Variants in ANKDD1A observed in about 807,000 individuals in gnomAD.
The protein encoded by ANKDD1A is ankyrin repeat and death domain containing 1A.
ANKDD1A carries 59 observed loss-of-function variants against 63.5 expected under a neutral mutation model. The observed-to-expected ratio is 0.93, with a 90% CI of 0.75 to 1.15. The LOEUF (loss-of-function observed/expected upper bound fraction) is 1.15. ANKDD1A is among the 50% of genes most tolerant of loss of function. The probability of loss-of-function intolerance (pLI) is 0.00; values close to 1 mark genes in which losing one functional copy is unlikely to be tolerated. For synonymous variants in ANKDD1A, 266 were observed against 263.9 expected (o/e 1.01, Z -0.08); for missense variants, 632 against 656.4 (o/e 0.96, Z 0.41).
At chr15:64,956,642 G>A (rs1024402676) in intron 14 of ANKDD1A, among the ~76,000 whole-genome samples, 6 of 152,192 alleles carry the variant, frequency 3.9e-5, no homozygotes, top group Non-Finnish European at 8.8e-5. Flanking sequence ...TGCAACCTCC[G>A]TCTCTTGGGT....
chr15:64,920,076 A>G (rs1329717569), intron 3 of ANKDD1A: 1 of 152,212 alleles, frequency 6.6e-6, no homozygotes, highest in East Asian at 1.9e-4. Context: ...GCCAACCGCT[A>G]AGACCCCTTT....
chr15:64,953,923 TTTC>T (rs1236205341), intron 14 of ANKDD1A, among the ~76,000 whole-genome samples: 1 of 9,232 alleles, frequency 1.1e-4, no homozygotes, highest in African/African-American at 1.7e-4. Flanking sequence ...TTCTTCTCTT[TTTC>T]TTTTTTCTTT....
chr15:64,948,244 T>C (rs150607998), intron 13 of ANKDD1A, among the ~76,000 whole-genome samples: 2,093 of 152,274 alleles, frequency 0.014, 50 homozygotes, highest in African/African-American at 0.047. Context: ...ATGACACATA[T>C]GAATAAAACA....
chr15:64,919,272 G>A (rs547223854), intron 3 of ANKDD1A, among the ~76,000 whole-genome samples: 42 of 152,164 alleles, frequency 2.8e-4, no homozygotes, highest in African/African-American at 8.4e-4. Flanking sequence ...ACTCCCAAGC[G>A]TCTGTGGACT....
intron 14 of ANKDD1A, among the ~76,000 whole-genome samples, chr15:64,954,353 CTCT>C (rs1218429421): frequency 0.023 from 3,390 of 145,178 alleles, 161 homozygotes; most frequent in African/African-American, 0.083. Flanking sequence ...TCTCCTTCTT[CTCT>C]TCTTCTCCTT....
chr15:64,951,299 C>CTTCTTTTATTCTCTTCTTCTTCTT, intron 14 of ANKDD1A: 2 of 865,340 alleles, frequency 2.3e-6, no homozygotes, highest in Non-Finnish European at 1.4e-6. Flanking sequence ...TCTTCTTCTT[C>CTTCTTTTATTCTCTTCTTCTTCTT]TTCTTCTCTT....
intron 14 of ANKDD1A, among the ~76,000 whole-genome samples, chr15:64,953,001 G>GTTTTC (rs1473810973): frequency 1.4e-5 from 2 of 140,930 alleles, no homozygotes; most frequent in African/African-American, 2.6e-5. Context: ...CTCCTTCTTA[G>GTTTTC]TTCTTTCTTC....
chr15:64,957,254 G>C lies in ANKDD1A; in HGVS notation c.*66G>C. ...TGTATTTTTAGTAGAGATGGGGTTT[G>C]GCCATGATGGCCAGGCTGGAAAATT... On this transcript the variant is annotated 3_prime_UTR_variant, in exon 15 of 15. Coordinates refer to ENST00000319580, the MANE Select transcript of ANKDD1A (RefSeq NM_182703.6). The C allele has an allele frequency of 3.3e-6, 1 of 301,618 alleles. No individual in the cohort carries two copies. Among genetic ancestry groups the C allele is most frequent in the Non-Finnish European group, 6.5e-6 (1 of 153,736 alleles). 18.7% of individuals were successfully genotyped at this position (301,618 alleles called of 1,614,324 possible).
At chr15:64,937,719 CT>C (rs1407431488) in intron 9 of ANKDD1A, among the ~76,000 whole-genome samples, 2 of 151,882 alleles carry the variant, frequency 1.3e-5, no homozygotes, top group African/African-American at 4.8e-5. Context: ...CAGTGAGACT[CT>C]GTCTCAAAAA....
rs1256358533 is a variant in ANKDD1A at position 64,926,966 on chromosome 15, G to A, written c.537G>A (p.Val179=). Residue 179 remains valine (V), a synonymous_variant, in exon 6 of 15, where the codon GTG becomes GTA. Transcript: ENST00000319580. ...HGQLDALDFL[V]GSGCDHNVKD... is the part of the protein sequence containing the mutation. ...AGCTGGATGCTCTGGACTTCCTCGT[G>A]GGCTCTGGCTGTGACCACAATGTCA... The A allele has an allele frequency of 6.2e-7, 1 of 1,614,176 alleles. No homozygotes were observed. The highest frequency in any genetic ancestry group is 8.5e-7 in the Non-Finnish European group (1 of 1,180,036).
chr15:64,948,981 G>T (rs113564305), intron 13 of ANKDD1A, among the ~76,000 whole-genome samples: 1 of 152,206 alleles, frequency 6.6e-6, no homozygotes. Context: ...GGCGGGGGCA[G>T]AGATAGTTAA....
Position 64,911,919 on chromosome 15 carries a change from C to G in ANKDD1A, c.-12C>G. ...CGGGCACCAGCGCGCGCAGGGGCTG[C>G]GGAGCGGCAGGATGCAGGAGGAGCT... On this transcript the variant is annotated 5_prime_UTR_variant, in exon 1 of 15. Coordinates refer to ENST00000319580, the MANE Select transcript of ANKDD1A (RefSeq NM_182703.6). 8.0e-7 allele frequency: 1 copy of G among 1,246,988 alleles called. No individual in the cohort carries two copies. The highest frequency in any genetic ancestry group is 1.0e-6 in the Non-Finnish European group (1 of 992,572). The allele number at this position is 1,246,988 out of a possible 1,614,324, so 77.2% of individuals were successfully genotyped here.
chr15:64,945,553 G>A (rs2085215272), intron 12 of ANKDD1A, among the ~76,000 whole-genome samples: 1 of 142,708 alleles, frequency 7.0e-6, no homozygotes, highest in South Asian at 2.2e-4. Context: ...TGTAAGGTAG[G>A]CTAAGCTAAA....
chr15:64,954,291 T>C (rs1263332074), intron 14 of ANKDD1A, among the ~76,000 whole-genome samples: 2 of 58,742 alleles, frequency 3.4e-5, no homozygotes, highest in African/African-American at 4.3e-5. Flanking sequence ...CCTTCTTAGT[T>C]CTCCTTTTCT....
At chr15:64,922,053 G>C (rs758112448) in intron 4 of ANKDD1A, 34 bp downstream of exon 4, 1 of 1,599,148 alleles carries the variant, frequency 6.3e-7, no homozygotes, top group Non-Finnish European at 8.6e-7. Context: ...CTGTCCCCTC[G>C]GCTCCCCTGG....
chr15:64,950,838 T>C lies in ANKDD1A; in HGVS notation c.1483+866T>C, dbSNP rs1311049748. On this transcript the variant is annotated intron_variant, in intron 14 of 14. Transcript: ENST00000319580. ...CTACCTTTCTTTCCCCAAAATGTTC[T>C]TAAATATAGTTGTTACATCTTTTAA... The C allele has an allele frequency of 2.8e-6, 3 of 1,080,242 alleles. No individual in the cohort carries two copies. In the African/African-American group the frequency reaches 5.2e-5, roughly 19 times the overall value. The allele number at this position is 1,080,242 out of a possible 1,614,324, so 66.9% of individuals were successfully genotyped here.
chr15:64,953,047 C>T (rs1458989401), intron 14 of ANKDD1A, among the ~76,000 whole-genome samples: 1 of 20,390 alleles, frequency 4.9e-5, no homozygotes, highest in Non-Finnish European at 4.3e-4. Context: ...TTTCTTCTTT[C>T]CTCTCTTTTT....
At chr15:64,945,747 C>T (rs2140381245) in intron 12 of ANKDD1A, among the ~76,000 whole-genome samples, 1 of 150,104 alleles carries the variant, frequency 6.7e-6, no homozygotes, top group African/African-American at 2.5e-5. Context: ...ATTCTCCTGT[C>T]TTAGCCTCCC....
At chr15:64,955,412 A>G (rs2085408600) in intron 14 of ANKDD1A, among the ~76,000 whole-genome samples, 1 of 152,004 alleles carries the variant, frequency 6.6e-6, no homozygotes, top group Non-Finnish European at 1.5e-5. Flanking sequence ...GAAATTTCTT[A>G]TTTCTCATTA....
Sources: gnomAD v4.1 joint callset for allele counts (sites outside exome capture counted in the v4.1 genomes callset) on GRCh38, gnomAD v4.1.1 for gene constraint, MANE v1.5 for transcripts, NCBI Gene and HGNC (gene_info 2026-07-23, HGNC 2026-07-21) for gene names.